The following RBFOX1 variants were observed in gnomAD, a reference collection of about 807,000 sequenced individuals.
RBFOX1 encodes the protein RNA binding protein fox-1 homolog 1.
A neutral mutation model predicts 57.7 loss-of-function variants in RBFOX1; 8 were observed. The observed-to-expected ratio is 0.14, with a 90% CI of 0.08 to 0.25. The LOEUF (loss-of-function observed/expected upper bound fraction) is 0.25. Ranked by LOEUF, RBFOX1 falls within the 10% of genes least tolerant of loss-of-function variation. RBFOX1 has a pLI of 1.00. For synonymous variants in RBFOX1, 326 were observed against 222.4 expected, an observed-to-expected ratio of 1.47 and a Z score of -4.15; for missense variants, 611 against 548.5, an observed-to-expected ratio of 1.11 and a Z score of -1.14.
chr16:5,338,319 G>A (rs2064949675), intron 1 of RBFOX1, among the ~76,000 whole-genome samples: 1 of 152,130 alleles, frequency 6.6e-6, no homozygotes, highest in African/African-American at 2.4e-5. Flanking sequence ...TCTCTCTCCT[G>A]GGACTTTATA....
chr16:6,668,492 G>A lies in RBFOX1; in HGVS notation c.-16+13842G>A, dbSNP rs112468585. On this transcript the variant is annotated intron_variant, in intron 3 of 15. Transcript: ENST00000550418. Reference sequence around the variant, plus strand: ...TGTTTTGGATTTGCAGCTTAACAAGGCACTGGTATTTTCATGGATAGTGCA... The same window carrying A: ...TGTTTTGGATTTGCAGCTTAACAAGACACTGGTATTTTCATGGATAGTGCA... 2.2e-3 allele frequency among the ~76,000 whole-genome samples: 330 copies of A among 152,294 alleles called. 1 individual carries two copies. Among genetic ancestry groups the A allele is most frequent in the African/African-American group, 7.8e-3 (326 of 41,556 alleles).
chr16:6,584,545 T>C (rs192459811), intron 2 of RBFOX1, among the ~76,000 whole-genome samples: 143 of 152,038 alleles, frequency 9.4e-4, no homozygotes, highest in Admixed American at 2.8e-3. Flanking sequence ...TTTTTTGTAA[T>C]ATTAGCAGAG....
intron 3 of RBFOX1, among the ~76,000 whole-genome samples, chr16:6,983,380 C>G (rs550613172): frequency 6.6e-6 from 1 of 150,814 alleles, no homozygotes; most frequent in South Asian, 2.1e-4. Flanking sequence ...TTTGAAAAAG[C>G]TAGGGTGGGA....
In RBFOX1 at chr16:6,674,743, G is replaced by T. The variant is rs1389272883; in HGVS notation, c.-16+20093G>T. Reference sequence around the variant, plus strand: ...CACATACAAGCCAAGGAGCACGAGGGGTGCTGGCCACCAGCAGAAGCTACA... The same window carrying T: ...CACATACAAGCCAAGGAGCACGAGGTGTGCTGGCCACCAGCAGAAGCTACA... On this transcript the variant is annotated intron_variant, in intron 3 of 15. Transcript: ENST00000550418. 2.0e-5 allele frequency among the ~76,000 whole-genome samples: 3 copies of T among 152,124 alleles called. No individual in the cohort carries two copies. The South Asian group carries it at 6.2e-4, about 32-fold the overall frequency.
chr16:7,166,752 T>C (rs1230298323), intron 4 of RBFOX1, among the ~76,000 whole-genome samples: 1 of 151,942 alleles, frequency 6.6e-6, no homozygotes, highest in Non-Finnish European at 1.5e-5. Context: ...GCAGCATCCT[T>C]GGATGAGTGC....
intron 4 of RBFOX1, among the ~76,000 whole-genome samples, chr16:7,180,373 A>G (rs2082460777): frequency 6.6e-6 from 1 of 152,186 alleles, no homozygotes; most frequent in Non-Finnish European, 1.5e-5. Flanking sequence ...CAAGAAAGGG[A>G]CAGCATCTCT....
At chr16:6,764,892 G>A (rs1314568183) in intron 3 of RBFOX1, among the ~76,000 whole-genome samples, 2 of 152,104 alleles carry the variant, frequency 1.3e-5, no homozygotes, top group Non-Finnish European at 2.9e-5. Flanking sequence ...AGCCGAGATT[G>A]TGCCACTGCA....
At chr16:6,203,951 T>C (rs559531451) in intron 1 of RBFOX1, among the ~76,000 whole-genome samples, 1 of 151,660 alleles carries the variant, frequency 6.6e-6, no homozygotes, top group East Asian at 1.9e-4. Context: ...TCTCAACCTG[T>C]TGGTGGCTCT....
chr16:6,074,006 G>T (rs1811317), intron 1 of RBFOX1, among the ~76,000 whole-genome samples: 3 of 151,870 alleles, frequency 2.0e-5, no homozygotes, highest in Non-Finnish European at 2.9e-5. Context: ...TGGAGTGCAG[G>T]GGTGCAATCT....
In RBFOX1 at chr16:5,947,708, G is replaced by A. The variant is rs1032447794; in HGVS notation, c.351+80373G>A. 6.6e-6 allele frequency among the ~76,000 whole-genome samples: 1 copy of A among 152,116 alleles called. No homozygotes were observed. Among genetic ancestry groups the A allele is most frequent in the Non-Finnish European group, 1.5e-5 (1 of 68,036 alleles). On this transcript the variant is annotated intron_variant, in intron 4 of 19. Transcript: ENST00000641259. The surrounding 1 kb of genome is among the most constrained non-coding windows in gnomAD (Gnocchi z 7.2). Reference sequence around the variant, plus strand: ...GCCCTTTTGAGAGAGTGGGGTTAGGGATTTCTGCACCCTTTTTACTATGTC... The same window carrying A: ...GCCCTTTTGAGAGAGTGGGGTTAGGAATTTCTGCACCCTTTTTACTATGTC...
chr16:5,865,030 A>G (rs965379410), intron 3 of RBFOX1, among the ~76,000 whole-genome samples: 31 of 152,146 alleles, frequency 2.0e-4, no homozygotes, highest in Admixed American at 1.3e-4. Flanking sequence ...CTTCCACCTA[A>G]TGGGGGGAAT....
intron 4 of RBFOX1, among the ~76,000 whole-genome samples, chr16:7,157,127 G>C (rs139967089): frequency 3.3e-5 from 5 of 152,234 alleles, no homozygotes; most frequent in African/African-American, 7.2e-5. Context: ...GAAAGCAATC[G>C]TATTCTCATT....
chr16:5,783,862 T>C (rs2054407152), intron 3 of RBFOX1, among the ~76,000 whole-genome samples: 2 of 152,154 alleles, frequency 1.3e-5, no homozygotes, highest in South Asian at 4.1e-4. Flanking sequence ...AAAGTAAGGA[T>C]CATAATGGGA....
intron 3 of RBFOX1, among the ~76,000 whole-genome samples, chr16:7,014,012 G>A (rs1331353116): frequency 1.3e-5 from 2 of 152,146 alleles, no homozygotes; most frequent in East Asian, 1.9e-4. Context: ...AGAAGGAAGA[G>A]TAGGTTTCAA....
chr16:5,577,409 A>G (rs2046499911), intron 2 of RBFOX1, among the ~76,000 whole-genome samples: 1 of 152,122 alleles, frequency 6.6e-6, no homozygotes, highest in Non-Finnish European at 1.5e-5. Flanking sequence ...TTAGGACAGT[A>G]AGTGGCTTCA....
chr16:5,406,778 A>G (rs188053252), intron 1 of RBFOX1, among the ~76,000 whole-genome samples: 3 of 152,248 alleles, frequency 2.0e-5, no homozygotes, highest in Admixed American at 2.0e-4. Flanking sequence ...CTGGGGATCC[A>G]ATAGTGAACT....
At chr16:5,292,451 C>G (rs1014642297) in intron 1 of RBFOX1, among the ~76,000 whole-genome samples, 1 of 152,124 alleles carries the variant, frequency 6.6e-6, no homozygotes, top group Non-Finnish European at 1.5e-5. Flanking sequence ...AACACTCAGC[C>G]ATGTTGTTAA....
chr16:5,495,001 G>C (rs557087467), intron 2 of RBFOX1, among the ~76,000 whole-genome samples: 1 of 152,304 alleles, frequency 6.6e-6, no homozygotes, highest in East Asian at 1.9e-4. Flanking sequence ...TACGTGACTA[G>C]TGTATTAGTT....
At chr16:6,017,579 G>T (rs2095003216), upstream of RBFOX1, among the ~76,000 whole-genome samples, 1 of 152,042 alleles carries the variant, frequency 6.6e-6, no homozygotes, top group Non-Finnish European at 1.5e-5. Flanking sequence ...GGAAACATAT[G>T]GTAAAAATCA....
Sources: gnomAD v4.1 joint callset for allele counts (sites outside exome capture counted in the v4.1 genomes callset) on GRCh38, gnomAD v4.1.1 for gene constraint, Gnocchi (gnomAD v3.1) non-coding constraint, MANE v1.5 for transcripts, NCBI Gene and HGNC (gene_info 2026-07-23, HGNC 2026-07-21) for gene names.